NRG2: variants seen among roughly 807,000 people sequenced by gnomAD.
NRG2 encodes the protein pro-neuregulin-2, membrane-bound isoform.
Under a neutral mutation model 73.9 loss-of-function variants are expected in NRG2, and 27 were observed. That is an observed-to-expected ratio of 0.37 (90% CI 0.27 to 0.50). NRG2 has a LOEUF of 0.50. Ranked by LOEUF, NRG2 falls within the 20% of genes least tolerant of loss-of-function variation. The probability of loss-of-function intolerance (pLI) is 0.96; values close to 1 mark genes in which losing one functional copy is unlikely to be tolerated. For synonymous variants in NRG2, 532 were observed against 541.0 expected, an observed-to-expected ratio of 0.98 and a Z score of 0.23; for missense variants, 1,126 against 1,210.1, an observed-to-expected ratio of 0.93 and a Z score of 1.03.
chr5:139,973,433 C>T (rs1368794030), intron 1 of NRG2, among the ~76,000 whole-genome samples: 1 of 152,160 alleles, frequency 6.6e-6, no homozygotes, highest in Non-Finnish European at 1.5e-5. Flanking sequence ...TCACAGCTCA[C>T]TGCAGCTCAG....
rs1761106765 is a variant in NRG2, at chr5:139,848,050, G to C, written c.2420C>G (p.Ser807Trp). The change falls in exon 10 of 10, where the codon TCG becomes TGG. Residue 807 changes from serine (S) to tryptophan (W), a missense_variant. Ser to Trp is a radical substitution (Grantham distance 177, BLOSUM62 -3). Coordinates refer to ENST00000361474, the MANE Select transcript of NRG2 (RefSeq NM_004883.3). Reference sequence around the variant, plus strand: ...CGCCGGGCACAGTGGCGGCGAGTCCGAGCGCAGCGCGTCGTGCGCCCCACG... The same window carrying C: ...CGCCGGGCACAGTGGCGGCGAGTCCCAGCGCAGCGCGTCGTGCGCCCCACG... ...GLRGAHDALR[S>W]DSPPLCPAAD... The C allele has an allele frequency of 1.3e-6, 2 of 1,506,168 alleles. No individual in the cohort carries two copies. Among genetic ancestry groups the C allele is most frequent in the Non-Finnish European group, 1.8e-6 (2 of 1,133,574 alleles). 93.3% of individuals were successfully genotyped at this position (1,506,168 alleles called of 1,614,324 possible). A position where few individuals can be genotyped will look rare whatever the true frequency, so the allele number is the denominator to read the frequency against.
chr5:139,889,624 G>A (rs973833454), intron 1 of NRG2, among the ~76,000 whole-genome samples: 3 of 152,106 alleles, frequency 2.0e-5, no homozygotes, highest in African/African-American at 7.2e-5. Flanking sequence ...TGATTCCTGT[G>A]TGGAACATTT....
At chr5:139,914,641 C>T (rs532903735) in intron 1 of NRG2, among the ~76,000 whole-genome samples, 3 of 152,348 alleles carry the variant, frequency 2.0e-5, no homozygotes, top group African/African-American at 7.2e-5. Flanking sequence ...CTATCATATA[C>T]CACCTGCCCA....
chr5:139,857,959 A>G (rs1027251427), intron 5 of NRG2, among the ~76,000 whole-genome samples: 6 of 151,816 alleles, frequency 4.0e-5, no homozygotes, highest in Non-Finnish European at 7.4e-5. Context: ...TCATCTGGAG[A>G]TGGTCACCTT....
At chr5:139,942,886 G>C (rs868649985) in intron 1 of NRG2, among the ~76,000 whole-genome samples, 11 of 152,154 alleles carry the variant, frequency 7.2e-5, no homozygotes, top group Admixed American at 1.3e-4. Context: ...TGTCATCCAG[G>C]CTAGAGTGCA....
In NRG2 at chr5:139,945,013, G is replaced by A. The variant is rs897813714; in HGVS notation, c.701-57502C>T. 2.0e-5 allele frequency among the ~76,000 whole-genome samples: 3 copies of A among 152,070 alleles called. No individual in the cohort carries two copies. The East Asian group carries it at 5.8e-4, about 29-fold the overall frequency. On this transcript the variant is annotated intron_variant, in intron 1 of 9. Transcript: ENST00000361474. ...TTTCCCTGATGATTAGTGATGCTGA[G>A]GATTTTTCATATATTGTGTGGCCTT... is the stretch of plus-strand genomic sequence containing the variant.
intron 1 of NRG2, among the ~76,000 whole-genome samples, chr5:139,896,213 C>A (rs1764531899): frequency 6.6e-6 from 1 of 152,184 alleles, no homozygotes. Flanking sequence ...TAAGGAAAAG[C>A]AGCACCTTTG....
chr5:139,885,046 T>C (rs1561654332), intron 2 of NRG2, among the ~76,000 whole-genome samples: 1 of 152,018 alleles, frequency 6.6e-6, no homozygotes, highest in Non-Finnish European at 1.5e-5. Context: ...AGAGGCCAGA[T>C]TGGGCCTTCA....
intron 1 of NRG2, among the ~76,000 whole-genome samples, chr5:139,890,437 T>C (rs921029176): frequency 2.0e-5 from 3 of 151,512 alleles, no homozygotes; most frequent in African/African-American, 7.3e-5. Context: ...TTCTTCTTCT[T>C]CGTCTTTTTC....
Position 139,848,119 on chromosome 5 carries a change from GCGTCGTCCGCGT to G in NRG2, c.2339_2350del (p.Asp780_Asp783del). 1 of 1,471,356 alleles carries G rather than the reference GCGTCGTCCGCGT, an allele frequency of 6.8e-7. No homozygotes were observed. The highest frequency in any genetic ancestry group is 8.9e-7 in the Non-Finnish European group (1 of 1,119,018). The allele number at this position is 1,471,356 out of a possible 1,614,324, so 91.1% of individuals were successfully genotyped here. ...GCTCTCGGCCGCCAGCGCCCCGTCC[GCGTCGTCCGCGT>G]CGTCGTCCGACGCCGAGGCTGAGCC... On this transcript the variant is annotated inframe_deletion, in exon 10 of 10. Coordinates refer to ENST00000361474, the MANE Select transcript of NRG2 (RefSeq NM_004883.3).
chr5:139,944,274 C>A (rs536894136), intron 1 of NRG2, among the ~76,000 whole-genome samples: 2 of 152,196 alleles, frequency 1.3e-5, no homozygotes, highest in Admixed American at 6.5e-5. Flanking sequence ...CATTGGATAT[C>A]CTCCTTCTAG....
intron 4 of NRG2, among the ~76,000 whole-genome samples, chr5:139,867,791 T>A (rs1367924988): frequency 1.8e-3 from 247 of 135,662 alleles, no homozygotes; most frequent in African/African-American, 7.8e-3. Context: ...TGTGTGTGTG[T>A]GTGTGTATGA....
In NRG2 at chr5:139,870,102, G is replaced by T. The variant is rs1370643780; in HGVS notation, c.1112+1619C>A. Among the ~76,000 whole-genome samples, 1 of 152,184 alleles carries T rather than the reference G, an allele frequency of 6.6e-6. No individual in the cohort carries two copies. Among genetic ancestry groups the T allele is most frequent in the Non-Finnish European group, 1.5e-5 (1 of 68,030 alleles). On this transcript the variant is annotated intron_variant, in intron 4 of 9. Coordinates refer to ENST00000361474, the MANE Select transcript of NRG2 (RefSeq NM_004883.3). This position sits in a 1 kb window ranked among gnomAD's most constrained non-coding sequence, Gnocchi z 4.4. ...GGAGACAAGGAAATGGGGATGCAGG[G>T]CTGGGTCATCCCTGTGAGGTATTCC...
intron 1 of NRG2, among the ~76,000 whole-genome samples, chr5:140,014,119 C>T (rs534405748): frequency 1.3e-5 from 2 of 152,284 alleles, no homozygotes; most frequent in South Asian, 2.1e-4. Flanking sequence ...CCACTTAACA[C>T]ATCCACACTA....
intron 1 of NRG2, among the ~76,000 whole-genome samples, chr5:140,017,039 G>A (rs1759840793): frequency 6.6e-6 from 1 of 152,180 alleles, no homozygotes; most frequent in Non-Finnish European, 1.5e-5. Context: ...TCACTATGTG[G>A]AGAATGAACT....
At chr5:140,041,360 T>A (rs2936651) in intron 1 of NRG2, among the ~76,000 whole-genome samples, 34,554 of 152,140 alleles carry the variant, frequency 0.23, 4,243 homozygotes, top group South Asian at 0.35. Context: ...GACAATTTGA[T>A]TTGAAATATC....
rs191514134 is a variant in NRG2, at chr5:140,021,721, G to A, written c.700+20649C>T. Among the ~76,000 whole-genome samples the A allele has an allele frequency of 4.3e-3, 652 of 152,308 alleles. 6 individuals are homozygous for A. Among genetic ancestry groups the A allele is most frequent in the Non-Finnish European group, 7.0e-3 (473 of 68,026 alleles). ...AGAACTTGATTCACCTCTGGTGGCA[G>A]GGAGACCTCTGAAGAGCAAAGGTAG... On this transcript the variant is annotated intron_variant, in intron 1 of 9. Transcript: ENST00000361474.
intron 2 of NRG2, among the ~76,000 whole-genome samples, chr5:139,885,446 C>T (rs1218933658): frequency 6.6e-6 from 1 of 152,150 alleles, no homozygotes; most frequent in African/African-American, 2.4e-5. Flanking sequence ...TGGGATGTAA[C>T]TGAAGGGCAG....
At chr5:139,850,952 A>G (rs1333158345) in intron 9 of NRG2, among the ~76,000 whole-genome samples, 1 of 150,244 alleles carries the variant, frequency 6.7e-6, no homozygotes, top group Non-Finnish European at 1.5e-5. Context: ...TCTAGCATGT[A>G]TCCTGGTTTG....
Sources: gnomAD v4.1 joint callset for allele counts (sites outside exome capture counted in the v4.1 genomes callset) on GRCh38, gnomAD v4.1.1 for gene constraint, Gnocchi (gnomAD v3.1) non-coding constraint, MANE v1.5 for transcripts, NCBI Gene and HGNC (gene_info 2026-07-23, HGNC 2026-07-21) for gene names.